KIAA0825: variants seen among roughly 807,000 people sequenced by gnomAD.
The protein encoded by KIAA0825 is KIAA0825.
In KIAA0825, 119 loss-of-function variants were observed where a neutral mutation model predicts 147.6. The ratio of observed to expected loss-of-function variants is 0.81; its 90% CI spans 0.69 to 0.94. The LOEUF is 0.94. Ranked by LOEUF, KIAA0825 falls within the 40% of genes least tolerant of loss-of-function variation. KIAA0825 has a pLI of 0.00. For synonymous variants in KIAA0825, 470 were observed against 518.1 expected (o/e 0.91, Z 1.26); for missense variants, 1,381 against 1,472.7 (o/e 0.94, Z 1.02).
chr5:94,403,164 A>T (rs993439297), intron 16 of KIAA0825, among the ~76,000 whole-genome samples: 1 of 152,160 alleles, frequency 6.6e-6, no homozygotes, highest in African/African-American at 2.4e-5. Context: ...AAAAGAAGGT[A>T]ATAATTAGTG....
In KIAA0825 at chr5:94,499,595, G is replaced by T. The variant is rs191560127; in HGVS notation, c.971-14665C>A. On this transcript the variant is annotated intron_variant, in intron 5 of 20. Transcript: ENST00000682413. Reference sequence around the variant, plus strand: ...TTTTATTTCCCAATCTGGGGGGGGGGGGGGACCAAGGGTCTTACACTTTCT... The same window carrying T: ...TTTTATTTCCCAATCTGGGGGGGGGTGGGGACCAAGGGTCTTACACTTTCT... 3.8e-4 allele frequency among the ~76,000 whole-genome samples: 54 copies of T among 142,026 alleles called. 1 individual carries two copies. Among genetic ancestry groups the T allele is most frequent in the African/African-American group, 1.2e-3 (47 of 39,718 alleles). The allele number at this position is 142,026 out of a possible 152,430, so 93.2% of individuals were successfully genotyped here. A position where few individuals can be genotyped will look rare whatever the true frequency, so the allele number is the denominator to read the frequency against.
chr5:94,345,367 C>T (rs2150344863), intron 20 of KIAA0825, among the ~76,000 whole-genome samples: 1 of 152,054 alleles, frequency 6.6e-6, no homozygotes, highest in East Asian at 1.9e-4. Context: ...CATACATGTT[C>T]CTAGAAAGAA....
At chr5:94,365,067 G>A (rs569606069) in intron 20 of KIAA0825, among the ~76,000 whole-genome samples, 2 of 152,200 alleles carry the variant, frequency 1.3e-5, no homozygotes, top group South Asian at 4.2e-4. Flanking sequence ...TAGGGTGGGC[G>A]GCTATGTAAA....
intron 20 of KIAA0825, among the ~76,000 whole-genome samples, chr5:94,323,784 A>G (rs559060612): frequency 1.6e-4 from 24 of 152,020 alleles, no homozygotes; most frequent in Admixed American, 1.4e-3. Flanking sequence ...GGAAAGATGG[A>G]GATTAGGGGA....
chr5:94,391,399 T>C, intron 18 of KIAA0825, 136 bp downstream of exon 18: 3 of 784,290 alleles, frequency 3.8e-6, no homozygotes, highest in Admixed American at 5.6e-5. Context: ...GAATAGATTC[T>C]ATTAATAATG....
At chr5:94,511,502 C>A (rs1766468701) in intron 5 of KIAA0825, among the ~76,000 whole-genome samples, 1 of 152,162 alleles carries the variant, frequency 6.6e-6, no homozygotes, top group African/African-American at 2.4e-5. Flanking sequence ...TGCCTGTAAT[C>A]CCAGTTACTA....
intron 20 of KIAA0825, among the ~76,000 whole-genome samples, chr5:94,214,482 C>T (rs1159480312): frequency 2.6e-5 from 4 of 152,156 alleles, no homozygotes; most frequent in African/African-American, 4.8e-5. Flanking sequence ...CATCACCCTT[C>T]CCTTCCCCCA....
intron 20 of KIAA0825, among the ~76,000 whole-genome samples, chr5:94,249,014 T>C (rs542547053): frequency 2.6e-5 from 4 of 152,184 alleles, no homozygotes; most frequent in African/African-American, 9.6e-5. Context: ...AAAGAAAGAA[T>C]GAAAATGTGA....
At chr5:94,272,106 CAAAAAAAAAAAAA>C (rs70975898) in intron 20 of KIAA0825, among the ~76,000 whole-genome samples, 1 of 66,642 alleles carries the variant, frequency 1.5e-5, no homozygotes, top group African/African-American at 5.9e-5. Flanking sequence ...TTTGTAGGAG[CAAAAAAAAAAAAA>C]AAAAAAAAAA....
chr5:94,582,941 CA>C (rs751209923), intron 1 of KIAA0825, among the ~76,000 whole-genome samples: 1 of 152,006 alleles, frequency 6.6e-6, no homozygotes, highest in Non-Finnish European at 1.5e-5. Flanking sequence ...TTATTCAATC[CA>C]AATACTTTTT....
chr5:94,179,595 A>G (rs1769414836), intron 20 of KIAA0825, among the ~76,000 whole-genome samples: 1 of 152,100 alleles, frequency 6.6e-6, no homozygotes, highest in South Asian at 2.1e-4. Flanking sequence ...CTTGGTTTCT[A>G]AATTCCTTCT....
At chr5:94,599,763 A>G (rs1336932792) in intron 1 of KIAA0825, among the ~76,000 whole-genome samples, 1 of 152,200 alleles carries the variant, frequency 6.6e-6, no homozygotes, top group East Asian at 1.9e-4. Context: ...TGTATCCCAG[A>G]ATACATAAAG....
At chr5:94,209,545 G>C (rs1453319284) in intron 20 of KIAA0825, among the ~76,000 whole-genome samples, 1 of 152,120 alleles carries the variant, frequency 6.6e-6, no homozygotes, top group Non-Finnish European at 1.5e-5. Context: ...AGTTGAAAAG[G>C]GTTGTGCTCA....
chr5:94,268,931 A>T (rs1006954302), intron 20 of KIAA0825, among the ~76,000 whole-genome samples: 1 of 152,266 alleles, frequency 6.6e-6, no homozygotes, highest in African/African-American at 2.4e-5. Flanking sequence ...GCACAGTGTC[A>T]TGTGCATAAT....
At chr5:94,477,494 G>A (rs1252816376) in intron 6 of KIAA0825, among the ~76,000 whole-genome samples, 2 of 151,698 alleles carry the variant, frequency 1.3e-5, no homozygotes, top group Admixed American at 6.6e-5. Context: ...GTACATAAAC[G>A]TATAATCTTC....
chr5:94,562,751 C>T (rs941546261), intron 2 of KIAA0825, among the ~76,000 whole-genome samples: 2 of 152,102 alleles, frequency 1.3e-5, no homozygotes, highest in Non-Finnish European at 2.9e-5. Flanking sequence ...GATTATCAGA[C>T]CAATGACTGT....
intron 20 of KIAA0825, among the ~76,000 whole-genome samples, chr5:94,339,791 G>A (rs1782178821): frequency 6.6e-6 from 1 of 152,136 alleles, no homozygotes; most frequent in African/African-American, 2.4e-5. Flanking sequence ...ATTTAGCATG[G>A]TAGTTGAATT....
At chr5:94,540,324 T>C (rs1218822992) in intron 2 of KIAA0825, among the ~76,000 whole-genome samples, 1 of 152,246 alleles carries the variant, frequency 6.6e-6, no homozygotes, top group Non-Finnish European at 1.5e-5. Flanking sequence ...GGACACCTTG[T>C]AAGCCCACTT....
chr5:94,391,440 G>A, intron 18 of KIAA0825, 95 bp downstream of exon 18: 3 of 1,202,106 alleles, frequency 2.5e-6, no homozygotes, highest in Non-Finnish European at 3.6e-6. Context: ...ACTTTAAGAA[G>A]TATTATCACC....
Sources: gnomAD v4.1 joint callset for allele counts (sites outside exome capture counted in the v4.1 genomes callset) on GRCh38, gnomAD v4.1.1 for gene constraint, MANE v1.5 for transcripts, NCBI Gene and HGNC (gene_info 2026-07-23, HGNC 2026-07-21) for gene names.